Variants in NBEA observed in about 807,000 individuals in gnomAD.
NBEA encodes neurobeachin.
In NBEA, 44 loss-of-function variants were observed where a neutral mutation model predicts 343.4. That is an observed-to-expected ratio of 0.13 (90% CI 0.10 to 0.16). The LOEUF is 0.16. Among genes scored for constraint, NBEA ranks in the 10% least tolerant of loss-of-function variants. NBEA has a pLI of 1.00. For missense variants in NBEA, 2,555 were observed against 3,631.3 expected (o/e 0.70, Z 7.62); for synonymous variants, 1,175 against 1,238.7 (o/e 0.95, Z 1.08).
chr13:35,182,254 A>C (rs1310175288), intron 28 of NBEA, 106 bp from the exon 29 acceptor site: 8 of 694,948 alleles, frequency 1.2e-5, no homozygotes, highest in Non-Finnish European at 1.7e-5. Flanking sequence ...AAAGTTACAT[A>C]TCATATTTTG....
At chr13:35,059,001 A>G (rs2063367058) in intron 8 of NBEA, 138 bp downstream of exon 8, 2 of 693,950 alleles carry the variant, frequency 2.9e-6, no homozygotes, top group Non-Finnish European at 4.3e-6. Flanking sequence ...GTTTTATTAT[A>G]TGTTTCTTTT....
At chr13:35,660,177 A>T (rs2085016057) in intron 55 of NBEA, among the ~76,000 whole-genome samples, 1 of 152,212 alleles carries the variant, frequency 6.6e-6, no homozygotes. Flanking sequence ...GTAGCTTCCA[A>T]CAAGATAGTC....
chr13:35,344,091 A>G (rs936746011), intron 36 of NBEA, among the ~76,000 whole-genome samples: 1 of 152,074 alleles, frequency 6.6e-6, no homozygotes, highest in African/African-American at 2.4e-5. Context: ...ATGATATCTG[A>G]CCAGTGTAAA....
At chr13:35,078,926 G>T (rs907215544) in intron 10 of NBEA, among the ~76,000 whole-genome samples, 4 of 152,150 alleles carry the variant, frequency 2.6e-5, no homozygotes, top group African/African-American at 9.7e-5. Context: ...GGAGGCTGAG[G>T]CAGGAGAATT....
At chr13:35,489,770 C>T (rs1311083568) in intron 41 of NBEA, among the ~76,000 whole-genome samples, 1 of 151,740 alleles carries the variant, frequency 6.6e-6, no homozygotes, top group Non-Finnish European at 1.5e-5. Flanking sequence ...AAATATAAAG[C>T]AATAAAAGCT....
intron 38 of NBEA, 105 bp from the exon 39 acceptor site, chr13:35,432,164 A>T: frequency 1.1e-6 from 1 of 910,914 alleles, no homozygotes; most frequent in Non-Finnish European, 1.6e-6. Flanking sequence ...AAATTATCTT[A>T]ATTTTTCAAT....
chr13:35,652,688 CTTTTTT>C (rs766315741), intron 53 of NBEA, among the ~76,000 whole-genome samples: 3 of 67,574 alleles, frequency 4.4e-5, no homozygotes, highest in African/African-American at 6.1e-5. Flanking sequence ...TTCTGGCAGT[CTTTTTT>C]TTTTTTTTTT....
intron 34 of NBEA, among the ~76,000 whole-genome samples, chr13:35,269,515 A>G (rs2033962898): frequency 6.6e-6 from 1 of 152,194 alleles, no homozygotes; most frequent in African/African-American, 2.4e-5. Context: ...AGAGAAGTCA[A>G]CAGAAGGAAG....
chr13:35,350,246 C>T (rs2040117638), intron 37 of NBEA, among the ~76,000 whole-genome samples: 1 of 152,044 alleles, frequency 6.6e-6, no homozygotes, highest in South Asian at 2.1e-4. Context: ...TTTCAAGTGG[C>T]TAGATATTAG....
At chr13:35,271,937 A>G (rs1364940512) in intron 34 of NBEA, among the ~76,000 whole-genome samples, 2 of 152,196 alleles carry the variant, frequency 1.3e-5, no homozygotes, top group Admixed American at 6.5e-5. Flanking sequence ...ATTCTTCAGG[A>G]TATTATCCAG....
intron 24 of NBEA, among the ~76,000 whole-genome samples, chr13:35,167,290 C>G (rs564078723): frequency 6.6e-6 from 1 of 151,982 alleles, no homozygotes; most frequent in African/African-American, 2.4e-5. Flanking sequence ...TAGAAGTGGT[C>G]TCTTTTCTGC....
chr13:35,659,455 C>T (rs953944277), intron 55 of NBEA, among the ~76,000 whole-genome samples: 2 of 152,014 alleles, frequency 1.3e-5, no homozygotes, highest in African/African-American at 4.8e-5. Context: ...CTATTAATTC[C>T]ACGAAGAAAA....
intron 1 of NBEA, among the ~76,000 whole-genome samples, chr13:34,948,830 C>T (rs1298213831): frequency 6.6e-6 from 1 of 152,090 alleles, no homozygotes; most frequent in Non-Finnish European, 1.5e-5. Context: ...GATACAATGT[C>T]TTTTAAGAGA....
chr13:35,212,243 T>C (rs1279610344), intron 33 of NBEA, among the ~76,000 whole-genome samples: 1 of 152,218 alleles, frequency 6.6e-6, no homozygotes, highest in Non-Finnish European at 1.5e-5. Context: ...TTGAATTTTA[T>C]GTAAATGTAA....
chr13:35,222,302 G>GT (rs1397111554), intron 33 of NBEA, among the ~76,000 whole-genome samples: 1 of 151,854 alleles, frequency 6.6e-6, no homozygotes, highest in Non-Finnish European at 1.5e-5. Flanking sequence ...TTAGTGAAGG[G>GT]TTTTGATGGT....
In NBEA at chr13:35,162,065, T is replaced by C; in HGVS notation, c.4079+98T>C. 3 of 959,130 alleles carry C rather than the reference T, an allele frequency of 3.1e-6. No individual in the cohort carries two copies. The South Asian group carries it at 5.4e-5, about 17-fold the overall frequency. The allele number at this position is 959,130 out of a possible 1,614,324, so 59.4% of individuals were successfully genotyped here. On this transcript the variant is annotated intron_variant, in intron 23 of 58. Transcript: ENST00000379939. Reference sequence around the variant, plus strand: ...GACAAAACCAAAAATCTGCCTTGATTAAAGGAATTTCCACATTTTTCTTGT... The same window carrying C: ...GACAAAACCAAAAATCTGCCTTGATCAAAGGAATTTCCACATTTTTCTTGT...
chr13:35,562,984 T>C (rs974557358), intron 44 of NBEA, among the ~76,000 whole-genome samples: 7 of 152,008 alleles, frequency 4.6e-5, no homozygotes, highest in Admixed American at 1.3e-4. Context: ...AAGAAACATA[T>C]CCAGTGTTTC....
At chr13:34,949,489 A>T (rs574779266) in intron 1 of NBEA, among the ~76,000 whole-genome samples, 4 of 152,328 alleles carry the variant, frequency 2.6e-5, no homozygotes, top group Non-Finnish European at 5.9e-5. Flanking sequence ...AGCTGCTAGA[A>T]GGAAAATCTG....
At chr13:35,419,998 G>A (rs117790975) in intron 38 of NBEA, among the ~76,000 whole-genome samples, 4,512 of 152,094 alleles carry the variant, frequency 0.03, 106 homozygotes, top group Non-Finnish European at 0.045. Context: ...GCTTAACTCA[G>A]TCCTTAGTTC....
Sources: gnomAD v4.1 joint callset for allele counts (sites outside exome capture counted in the v4.1 genomes callset) on GRCh38, gnomAD v4.1.1 for gene constraint, MANE v1.5 for transcripts, NCBI Gene and HGNC (gene_info 2026-07-23, HGNC 2026-07-21) for gene names.